COL14A1: variants seen among roughly 807,000 people sequenced by gnomAD.
The protein encoded by COL14A1 is collagen type XIV alpha 1 chain.
A neutral mutation model predicts 230.3 loss-of-function variants in COL14A1; 136 were observed. That is an observed-to-expected ratio of 0.59 (90% CI 0.51 to 0.68). The LOEUF is 0.68. COL14A1 is among the 30% of genes least tolerant of loss of function. The pLI is 0.00. For synonymous variants in COL14A1, 792 were observed against 784.1 expected, an observed-to-expected ratio of 1.01 and a Z score of -0.17; for missense variants, 1,976 against 2,215.8, an observed-to-expected ratio of 0.89 and a Z score of 2.17.
At chr8:120,315,834 C>T in intron 39 of COL14A1, 110 bp from the exon 40 acceptor site, 6 of 1,122,648 alleles carry the variant, frequency 5.3e-6, no homozygotes, top group Non-Finnish European at 7.9e-6. Flanking sequence ...AAAGGGTTCA[C>T]CATTATGCTC....
chr8:120,284,564 G>A (rs558800479), intron 32 of COL14A1, among the ~76,000 whole-genome samples: 2 of 152,212 alleles, frequency 1.3e-5, no homozygotes, highest in South Asian at 2.1e-4. Flanking sequence ...TCACACATTC[G>A]GATAAGGAAA....
At chr8:120,246,903 T>G (rs1413544291) in intron 20 of COL14A1, among the ~76,000 whole-genome samples, 1 of 152,202 alleles carries the variant, frequency 6.6e-6, no homozygotes, top group African/African-American at 2.4e-5. Context: ...ATCAGAATCT[T>G]ACCTCTGAGA....
intron 18 of COL14A1, among the ~76,000 whole-genome samples, chr8:120,230,262 A>G (rs559947166): frequency 1.3e-5 from 2 of 152,086 alleles, no homozygotes; most frequent in East Asian, 1.9e-4. Context: ...TTTTTCCTAC[A>G]TTAGTTGTTT....
intron 42 of COL14A1, among the ~76,000 whole-genome samples, chr8:120,334,571 C>T (rs549878370): frequency 3.3e-4 from 41 of 122,768 alleles, no homozygotes; most frequent in South Asian, 1.2e-3. Flanking sequence ...AAAATGCATG[C>T]GTTCACACAC....
chr8:120,212,586 C>A lies in COL14A1; in HGVS notation c.1597+9C>A. The A allele has an allele frequency of 6.2e-7, 1 of 1,612,910 alleles. No homozygotes were observed. The highest frequency in any genetic ancestry group is 8.5e-7 in the Non-Finnish European group (1 of 1,179,170). The stretch of plus-strand genomic sequence containing the variant: ...GGGACAAGAAACAACATGTGAGCAG[C>A]ACAGCCATTCAGTTGGGATGCTGTA... On this transcript the variant is annotated intron_variant, in intron 13 of 47. Transcript: ENST00000297848.
intron 23 of COL14A1, among the ~76,000 whole-genome samples, chr8:120,255,783 GT>G (rs80323709): frequency 0.13 from 19,070 of 146,634 alleles, 1,763 homozygotes; most frequent in East Asian, 0.41. Flanking sequence ...TTTTCTTAGT[GT>G]TTTTTTTTTT....
rs540019968 is a variant in COL14A1, at chr8:120,281,116, A to T, written c.3824+57A>T. The T allele has an allele frequency of 1.3e-4, 194 of 1,498,788 alleles. No individual in the cohort carries two copies. In the African/African-American group the frequency reaches 2.5e-3, roughly 19 times the overall value. 92.8% of individuals were successfully genotyped at this position (1,498,788 alleles called of 1,614,324 possible). A position where few individuals can be genotyped will look rare whatever the true frequency, so the allele number is the denominator to read the frequency against. On this transcript the variant is annotated intron_variant, in intron 31 of 47. Coordinates refer to ENST00000297848, the MANE Select transcript of COL14A1 (RefSeq NM_021110.4). The stretch of plus-strand genomic sequence containing the variant: ...CGTATGTTTATTATATCTCACTGTG[A>T]AAATGATGTCAACTTGAAATATGGT...
At chr8:120,159,802 C>T (rs1586725969) in intron 3 of COL14A1, among the ~76,000 whole-genome samples, 2 of 152,220 alleles carry the variant, frequency 1.3e-5, no homozygotes, top group South Asian at 4.2e-4. Flanking sequence ...AGTGGTTTTC[C>T]GCTCTCAGCC....
chr8:120,246,772 T>C (rs529542022), intron 20 of COL14A1, among the ~76,000 whole-genome samples: 5 of 152,234 alleles, frequency 3.3e-5, no homozygotes, highest in South Asian at 2.1e-4. Flanking sequence ...AATGACAAAA[T>C]GCATACAAAT....
intron 8 of COL14A1, among the ~76,000 whole-genome samples, chr8:120,200,751 ATATATATATATATATT>A (rs1419867111): frequency 1.5e-4 from 15 of 97,758 alleles, no homozygotes; most frequent in African/African-American, 4.8e-4. Flanking sequence ...ATATATATAT[ATATATATATATATATT>A]ATTTTTCATC....
intron 26 of COL14A1, among the ~76,000 whole-genome samples, chr8:120,276,038 A>G (rs1819829622): frequency 6.6e-6 from 1 of 151,914 alleles, no homozygotes; most frequent in African/African-American, 2.4e-5. Flanking sequence ...ACATATGTTT[A>G]TTTTAGCACA....
At chr8:120,152,126 A>G (rs1373566526) in intron 2 of COL14A1, among the ~76,000 whole-genome samples, 2 of 152,132 alleles carry the variant, frequency 1.3e-5, no homozygotes, top group Non-Finnish European at 2.9e-5. Context: ...TAAGCCACTA[A>G]GATTTTGAAA....
intron 40 of COL14A1, among the ~76,000 whole-genome samples, chr8:120,321,858 G>T (rs529166623): frequency 6.6e-6 from 1 of 151,908 alleles, no homozygotes; most frequent in Non-Finnish European, 1.5e-5. Context: ...TCAGAGATTC[G>T]GATACAAAAG....
intron 3 of COL14A1, among the ~76,000 whole-genome samples, chr8:120,161,256 T>G (rs376512205): frequency 6.6e-6 from 1 of 152,228 alleles, no homozygotes. Context: ...TTATGTTTGA[T>G]TAATTCAGCA....
At chr8:120,216,954 A>G (rs1052482442) in intron 14 of COL14A1, among the ~76,000 whole-genome samples, 2 of 152,190 alleles carry the variant, frequency 1.3e-5, no homozygotes, top group Admixed American at 6.5e-5. Flanking sequence ...TATCACCTCT[A>G]TCACACTCCA....
intron 8 of COL14A1, 76 bp from the exon 9 acceptor site, chr8:120,203,633 C>A (rs2130735639): frequency 1.4e-6 from 2 of 1,402,582 alleles, no homozygotes; most frequent in South Asian, 1.4e-5. Flanking sequence ...CTGACTGGGT[C>A]AGATCAGGCC....
intron 26 of COL14A1, 31 bp downstream of exon 26, chr8:120,270,205 T>C (rs1277348045): frequency 3.8e-6 from 6 of 1,589,320 alleles, no homozygotes; most frequent in South Asian, 3.4e-5. Context: ...ATTCATTCTA[T>C]GTATTTAGAA....
rs755989989 is a variant in COL14A1 at position 120,369,553 on chromosome 8, G to A, written c.5311+68G>A. On this transcript the variant is annotated intron_variant, in intron 47 of 47. Coordinates refer to ENST00000297848, the MANE Select transcript of COL14A1 (RefSeq NM_021110.4). ...TTTTAGTATGCTTAGTACCAAAATG[G>A]GAAGATAGTGCTATGAAAAAAGTTA... The A allele has an allele frequency of 1.1e-4, 149 of 1,379,132 alleles. No homozygotes were observed. The Middle Eastern group carries it at 7.2e-3, about 66-fold the overall frequency. 85.4% of individuals were successfully genotyped at this position (1,379,132 alleles called of 1,614,324 possible).
At chr8:120,292,835 T>G (rs1820412809) in intron 34 of COL14A1, among the ~76,000 whole-genome samples, 1 of 152,094 alleles carries the variant, frequency 6.6e-6, no homozygotes, top group Non-Finnish European at 1.5e-5. Context: ...TGTATTCTTT[T>G]TAAACCATAA....
Sources: allele counts gnomAD v4.1 joint callset (sites outside exome capture counted in the v4.1 genomes callset), GRCh38; gene constraint gnomAD v4.1.1; transcripts MANE v1.5; gene names NCBI Gene and HGNC (gene_info 2026-07-23, HGNC 2026-07-21).